CAMK2B: variants seen among roughly 807,000 people sequenced by gnomAD.
CAMK2B encodes the protein calcium/calmodulin dependent protein kinase II beta, also known as calcium/calmodulin-dependent protein kinase type II subunit beta.
A neutral mutation model predicts 93.7 loss-of-function variants in CAMK2B; 27 were observed. The observed-to-expected ratio is 0.29, with a 90% CI of 0.21 to 0.40. The LOEUF (loss-of-function observed/expected upper bound fraction) is 0.40. Among genes scored for constraint, CAMK2B ranks in the 10% least tolerant of loss-of-function variants. The pLI is 1.00. For missense variants in CAMK2B, 568 were observed against 895.8 expected, an observed-to-expected ratio of 0.63 and a Z score of 4.67; for synonymous variants, 374 against 358.8, an observed-to-expected ratio of 1.04 and a Z score of -0.48.
rs56377718 is a variant in CAMK2B, at chr7:44,228,818, G to C, written c.1446C>G (p.Leu482=). The change falls in exon 19 of 24, where the codon CTC becomes CTG. Residue 482 remains leucine (L), a synonymous_variant. Transcript: ENST00000395749. ...AGPPPCLSPA[L]LGPLSSPSPR... ...TACACGGGGAGGACAGGGGGCCTAG[G>C]AGAGCCGGAGACAGGCAGGGCGGGG... The C allele has an allele frequency of 1.3e-6, 2 of 1,528,900 alleles. No individual in the cohort carries two copies. The highest frequency in any genetic ancestry group is 4.6e-5 in the East Asian group (2 of 43,144). 94.7% of individuals were successfully genotyped at this position (1,528,900 alleles called of 1,614,324 possible).
At chr7:44,234,352 AG>A in intron 15 of CAMK2B, 37 bp downstream of exon 15, 3 of 1,469,910 alleles carry the variant, frequency 2.0e-6, no homozygotes, top group Non-Finnish European at 2.7e-6. Flanking sequence ...CCAGGGGCGT[AG>A]GAGGGGCTGA....
intron 8 of CAMK2B, among the ~76,000 whole-genome samples, chr7:44,242,912 G>A (rs2096695424): frequency 1.3e-5 from 2 of 152,178 alleles, no homozygotes; most frequent in South Asian, 4.1e-4. Context: ...CTCTGTGGGA[G>A]GAGACCCCTA....
At chr7:44,272,131 A>G (rs890479678) in intron 2 of CAMK2B, among the ~76,000 whole-genome samples, 2 of 147,880 alleles carry the variant, frequency 1.4e-5, no homozygotes, top group African/African-American at 4.9e-5. Flanking sequence ...AGATGCTGCC[A>G]TAGTGGGCTG....
At chr7:44,273,238 A>G (rs1359563610) in intron 2 of CAMK2B, among the ~76,000 whole-genome samples, 1 of 152,058 alleles carries the variant, frequency 6.6e-6, no homozygotes, top group Non-Finnish European at 1.5e-5. Flanking sequence ...TGTTACTCCA[A>G]AGCCTGCCTC....
intron 1 of CAMK2B, among the ~76,000 whole-genome samples, chr7:44,314,387 G>A (rs1003543109): frequency 2.0e-5 from 3 of 152,148 alleles, no homozygotes; most frequent in Admixed American, 6.5e-5. Flanking sequence ...GGCCTTTTGC[G>A]ACTGGCTTCT....
intron 13 of CAMK2B, among the ~76,000 whole-genome samples, chr7:44,236,532 A>C (rs1164098731): frequency 6.6e-6 from 1 of 152,216 alleles, no homozygotes; most frequent in Non-Finnish European, 1.5e-5. Flanking sequence ...AGCCCTGCCC[A>C]GTGAGTTCCC....
chr7:44,224,601 C>T lies in CAMK2B; in HGVS notation c.1597+1915G>A, dbSNP rs2096453184. ...GCAACAGGTCCAGGCAGGCCTAATG[C>T]GTCCAGGTGGGGTCAGAGCAGGTTC... is the stretch of plus-strand genomic sequence containing the variant. On this transcript the variant is annotated intron_variant, in intron 20 of 23. Transcript: ENST00000395749. This position sits in a 1 kb window ranked among gnomAD's most constrained non-coding sequence, Gnocchi z 4.4. 6.6e-6 allele frequency among the ~76,000 whole-genome samples: 1 copy of T among 152,112 alleles called. No individual in the cohort carries two copies. The highest frequency in any genetic ancestry group is 6.5e-5 in the Admixed American group (1 of 15,280).
In CAMK2B at chr7:44,234,607, C is replaced by T. The variant is rs537983163; in HGVS notation, c.1059+32G>A. On this transcript the variant is annotated intron_variant, in intron 14 of 23. Coordinates refer to ENST00000395749, the MANE Select transcript of CAMK2B (RefSeq NM_001220.5). ...GGGTGAAGCTGCAGGCTCTGGGCTC[C>T]CCGGCACCACAGGGCCCGGCTGGAG... is the stretch of plus-strand genomic sequence containing the variant. 36 of 1,613,204 alleles carry T rather than the reference C, an allele frequency of 2.2e-5. 1 individual carries two copies. The Admixed American group carries it at 5.7e-4, about 25-fold the overall frequency.
chr7:44,243,104 C>T (rs1385643199), intron 8 of CAMK2B, 146 bp downstream of exon 8: 9 of 655,882 alleles, frequency 1.4e-5, no homozygotes, highest in Non-Finnish European at 2.4e-5. Context: ...TGGGCAGACC[C>T]CTGCCAGGGC....
In CAMK2B at chr7:44,271,070, C is replaced by T. The variant is rs2096970138; in HGVS notation, c.161-8006G>A. Among the ~76,000 whole-genome samples, 1 of 152,110 alleles carries T rather than the reference C, an allele frequency of 6.6e-6. No homozygotes were observed. Among genetic ancestry groups the T allele is most frequent in the Admixed American group, 6.5e-5 (1 of 15,276 alleles). ...AGTAGCTGGGATTACAGGTATGCGCCATCACACCTGGCTAATTTTTGTATT... is the reference window on the plus strand; with the variant it reads ...AGTAGCTGGGATTACAGGTATGCGCTATCACACCTGGCTAATTTTTGTATT... On this transcript the variant is annotated intron_variant, in intron 2 of 23. Transcript: ENST00000395749. The surrounding 1 kb of genome is among the most constrained non-coding windows in gnomAD (Gnocchi z 4.2).
chr7:44,228,021 C>T (rs1035325676), intron 19 of CAMK2B, among the ~76,000 whole-genome samples: 5 of 151,468 alleles, frequency 3.3e-5, no homozygotes, highest in African/African-American at 4.9e-5. Context: ...GAGGAGGCTG[C>T]AGGAGTGAAG....
At chr7:44,318,980 A>G (rs1293063677) in intron 1 of CAMK2B, among the ~76,000 whole-genome samples, 2 of 152,198 alleles carry the variant, frequency 1.3e-5, no homozygotes, top group African/African-American at 4.8e-5. Flanking sequence ...TCTAACATAA[A>G]AGGATGTTTT....
intron 1 of CAMK2B, among the ~76,000 whole-genome samples, chr7:44,285,348 G>A (rs1420881619): frequency 1.3e-5 from 2 of 152,210 alleles, no homozygotes; most frequent in African/African-American, 4.8e-5. Context: ...GGAGAAAGGG[G>A]GGCTTGGAGG....
At position 44,277,131 on chromosome 7, in the gene CAMK2B, G is replaced by A. The variant is rs147608738; in HGVS notation, c.160+7000C>T. ...CAAAACTGTCCCCAAAAGAACAGCC[G>A]TTCATTGTGGACAATGAGCAGCAGG... On this transcript the variant is annotated intron_variant, in intron 2 of 23. Transcript: ENST00000395749. 9.7e-3 allele frequency among the ~76,000 whole-genome samples: 1,476 copies of A among 152,074 alleles called. 9 individuals are homozygous for A. The highest frequency in any genetic ancestry group is 0.017 in the Non-Finnish European group (1,142 of 67,982).
intron 1 of CAMK2B, among the ~76,000 whole-genome samples, chr7:44,321,951 G>A (rs1384456161): frequency 6.6e-6 from 1 of 152,198 alleles, no homozygotes; most frequent in Non-Finnish European, 1.5e-5. Flanking sequence ...CAGAAGACTC[G>A]AGGACCCTCC....
chr7:44,231,185 G>C, intron 16 of CAMK2B, 131 bp from the exon 17 acceptor site: 1 of 722,760 alleles, frequency 1.4e-6, no homozygotes, highest in Non-Finnish European at 2.3e-6. Flanking sequence ...TGCCTCGGCT[G>C]CTTCCACGGG....
chr7:44,220,476 C>A (rs1022261938), intron 22 of CAMK2B, 140 bp downstream of exon 22: 2 of 862,796 alleles, frequency 2.3e-6, no homozygotes, highest in Non-Finnish European at 3.6e-6. Flanking sequence ...TGGCCTCTGG[C>A]GGGGGAGAGG....
intron 11 of CAMK2B, 70 bp downstream of exon 11, chr7:44,241,630 C>A: frequency 2.4e-6 from 3 of 1,244,480 alleles, no homozygotes; most frequent in East Asian, 4.6e-5. Context: ...CCCCCCAAGG[C>A]CCCCCTGCTC....
At chr7:44,301,922 C>T (rs1790162003) in intron 1 of CAMK2B, among the ~76,000 whole-genome samples, 1 of 151,788 alleles carries the variant, frequency 6.6e-6, no homozygotes, top group East Asian at 1.9e-4. Context: ...ATGAATTGTG[C>T]AAACAAGAAA....
Sources: gnomAD v4.1 joint callset for allele counts (sites outside exome capture counted in the v4.1 genomes callset) on GRCh38, gnomAD v4.1.1 for gene constraint, Gnocchi (gnomAD v3.1) non-coding constraint, MANE v1.5 for transcripts, NCBI Gene and HGNC (gene_info 2026-07-23, HGNC 2026-07-21) for gene names.